FMN1: variants seen among roughly 807,000 people sequenced by gnomAD.
The protein encoded by FMN1 is formin 1.
FMN1 carries 110 observed loss-of-function variants against 132.4 expected under a neutral mutation model. The ratio of observed to expected loss-of-function variants is 0.83; its 90% CI spans 0.71 to 0.97. The LOEUF (loss-of-function observed/expected upper bound fraction) is 0.97, where lower values mean the gene tolerates loss of function less well. Among genes scored for constraint, FMN1 ranks in the 50% least tolerant of loss-of-function variants. The pLI, the probability that FMN1 is intolerant of heterozygous loss-of-function variation, is 0.00. For synonymous variants in FMN1, 722 were observed against 651.7 expected, an observed-to-expected ratio of 1.11 and a Z score of -1.64; for missense variants, 1,792 against 1,705.3, an observed-to-expected ratio of 1.05 and a Z score of -0.90.
At chr15:33,068,440 T>A (rs916014460) in intron 5 of FMN1, among the ~76,000 whole-genome samples, 1 of 152,196 alleles carries the variant, frequency 6.6e-6, no homozygotes, top group African/African-American at 2.4e-5. Context: ...GAAATACTTC[T>A]GACACAGGCC....
At chr15:32,805,049 TG>T (rs1434902594) in intron 17 of FMN1, among the ~76,000 whole-genome samples, 1 of 152,222 alleles carries the variant, frequency 6.6e-6, no homozygotes, top group East Asian at 1.9e-4. Context: ...CTGGGTCAAA[TG>T]GTATTTCTAG....
chr15:32,981,524 TAA>T (rs2032661021), intron 7 of FMN1, among the ~76,000 whole-genome samples: 1 of 124,584 alleles, frequency 8.0e-6, no homozygotes, highest in Admixed American at 8.1e-5. Context: ...TCTCAAATAA[TAA>T]TAATAATAAT....
intron 4 of FMN1, among the ~76,000 whole-genome samples, chr15:33,094,704 G>A (rs1402947934): frequency 1.3e-5 from 2 of 152,202 alleles, no homozygotes; most frequent in African/African-American, 2.4e-5. Context: ...TTTTAAGGAA[G>A]TATATAAATA....
intron 7 of FMN1, among the ~76,000 whole-genome samples, chr15:32,995,720 AT>A (rs2033727439): frequency 6.6e-6 from 1 of 152,350 alleles, no homozygotes. Context: ...TGTACATGAA[AT>A]TATAGTTTAG....
chr15:32,983,854 G>C lies in FMN1; in HGVS notation c.2224-14377C>G, dbSNP rs190580159. Among the ~76,000 whole-genome samples, 64 of 152,334 alleles carry C rather than the reference G, an allele frequency of 4.2e-4. 1 individual carries two copies. In the Middle Eastern group the frequency reaches 0.017, roughly 40 times the overall value. On this transcript the variant is annotated intron_variant, in intron 7 of 20. Transcript: ENST00000616417. ...CTTTTAGAGGTTTCTCTGTCGAGGT[G>C]AATTCAGCGCTAAGACAGGATCAGT...
chr15:32,980,382 C>T (rs2032559352), intron 7 of FMN1, among the ~76,000 whole-genome samples: 1 of 151,624 alleles, frequency 6.6e-6, no homozygotes, highest in African/African-American at 2.4e-5. Context: ...GCTATGTAAC[C>T]TTAAACTTGC....
chr15:32,912,886 T>C (rs1237604257), intron 10 of FMN1, among the ~76,000 whole-genome samples: 1 of 152,202 alleles, frequency 6.6e-6, no homozygotes, highest in Non-Finnish European at 1.5e-5. Context: ...GTAAGATATA[T>C]GCTTAGCATA....
intron 9 of FMN1, among the ~76,000 whole-genome samples, chr15:32,960,749 A>G (rs568323773): frequency 1.9e-4 from 29 of 152,166 alleles, no homozygotes; most frequent in African/African-American, 6.5e-4. Flanking sequence ...TAATCCCAGC[A>G]TTTTGGGAGG....
intron 4 of FMN1, among the ~76,000 whole-genome samples, chr15:33,143,243 T>C (rs984612174): frequency 6.6e-6 from 1 of 152,168 alleles, no homozygotes; most frequent in Admixed American, 6.5e-5. Flanking sequence ...AAAAAAAGCA[T>C]TTTCTAGCAA....
intron 3 of FMN1, among the ~76,000 whole-genome samples, chr15:33,166,324 C>CT (rs112939787): frequency 0.32 from 45,645 of 144,168 alleles, 10,895 homozygotes; most frequent in African/African-American, 0.67. Flanking sequence ...TTTTCTTTTT[C>CT]TTTTTTTTTT....
At chr15:32,980,946 G>C (rs1473811206) in intron 7 of FMN1, among the ~76,000 whole-genome samples, 1 of 152,136 alleles carries the variant, frequency 6.6e-6, no homozygotes, top group Non-Finnish European at 1.5e-5. Context: ...CCCGGGAAGC[G>C]GAGGTTGCAG....
chr15:32,834,013 T>G (rs2058566563), intron 17 of FMN1, among the ~76,000 whole-genome samples: 1 of 152,204 alleles, frequency 6.6e-6, no homozygotes, highest in South Asian at 2.1e-4. Flanking sequence ...ACCCTTCTCA[T>G]CATTTTTTCT....
chr15:33,016,741 G>A (rs1462167621), intron 6 of FMN1, among the ~76,000 whole-genome samples: 1 of 152,180 alleles, frequency 6.6e-6, no homozygotes, highest in African/African-American at 2.4e-5. Flanking sequence ...ATTGACTCCT[G>A]ACAGTTTTTA....
chr15:33,097,578 A>G (rs2039136701), intron 4 of FMN1, among the ~76,000 whole-genome samples: 2 of 152,198 alleles, frequency 1.3e-5, no homozygotes, highest in Admixed American at 6.5e-5. Context: ...TGCAGCCCAA[A>G]AGACAGTGGA....
chr15:32,774,604 C>T (rs1002942391), intron 20 of FMN1, among the ~76,000 whole-genome samples: 3 of 152,240 alleles, frequency 2.0e-5, no homozygotes, highest in South Asian at 2.1e-4. Flanking sequence ...ATCTAAAACA[C>T]GGGCCTTTAC....
intron 5 of FMN1, among the ~76,000 whole-genome samples, chr15:33,069,993 C>CTCTTTTTTTTTTTTTTT (rs398026774): frequency 1.3e-5 from 1 of 74,292 alleles, no homozygotes; most frequent in Non-Finnish European, 2.5e-5. Flanking sequence ...CAGTCTTTCT[C>CTCTTTTTTTTTTTTTTT]TTTTTTTTTT....
intron 7 of FMN1, among the ~76,000 whole-genome samples, chr15:32,989,441 A>T (rs2033296035): frequency 6.6e-6 from 1 of 152,220 alleles, no homozygotes; most frequent in Admixed American, 6.5e-5. Context: ...GATGATTGTG[A>T]GAAATCCAAG....
At chr15:33,072,952 C>A (rs886288550) in intron 5 of FMN1, among the ~76,000 whole-genome samples, 1 of 151,236 alleles carries the variant, frequency 6.6e-6, no homozygotes, top group Non-Finnish European at 1.5e-5. Flanking sequence ...AACAGAACAT[C>A]AGTCTAGTAA....
At chr15:33,003,278 C>T (rs1374403849) in intron 7 of FMN1, among the ~76,000 whole-genome samples, 5 of 152,158 alleles carry the variant, frequency 3.3e-5, no homozygotes, top group East Asian at 1.9e-4. Flanking sequence ...TTGCAGATGA[C>T]GTGATTGTGT....
Sources: gnomAD v4.1 joint callset for allele counts (sites outside exome capture counted in the v4.1 genomes callset) on GRCh38, gnomAD v4.1.1 for gene constraint, MANE v1.5 for transcripts, NCBI Gene and HGNC (gene_info 2026-07-23, HGNC 2026-07-21) for gene names.